USP18: variants seen among roughly 807,000 people sequenced by gnomAD.
USP18 encodes the protein ubiquitin specific peptidase 18.
USP18 carries 11 observed loss-of-function variants against 48.7 expected under a neutral mutation model. The ratio of observed to expected loss-of-function variants is 0.23; its 90% CI spans 0.14 to 0.37. The LOEUF is 0.37. Among genes scored for constraint, USP18 ranks in the 10% least tolerant of loss-of-function variants. USP18 has a pLI of 1.00. For synonymous variants in USP18, 114 were observed against 163.2 expected, an observed-to-expected ratio of 0.70 and a Z score of 2.30; for missense variants, 285 against 436.4, an observed-to-expected ratio of 0.65 and a Z score of 3.09.
chr22:18,172,902 T>C (rs1929672928), intron 8 of USP18, among the ~76,000 whole-genome samples: 1 of 146,498 alleles, frequency 6.8e-6, no homozygotes, highest in African/African-American at 2.5e-5. Flanking sequence ...TGCCTTGGCT[T>C]TGGGGGCCTC....
intron 3 of USP18, among the ~76,000 whole-genome samples, chr22:18,161,203 A>G (rs1416321454): frequency 2.7e-5 from 4 of 149,848 alleles, no homozygotes; most frequent in Admixed American, 2.7e-4. Flanking sequence ...TGGGGAGTAC[A>G]CACCCCTCCT....
At chr22:18,154,283 G>T (rs361814) in intron 1 of USP18, among the ~76,000 whole-genome samples, 38,391 of 151,752 alleles carry the variant, frequency 0.25, 6,088 homozygotes, top group East Asian at 0.67. Context: ...CAGTGGGAAA[G>T]GCACTTACTT....
intron 10 of USP18, among the ~76,000 whole-genome samples, chr22:18,174,487 C>T (rs893467734): frequency 2.0e-5 from 3 of 152,214 alleles, no homozygotes; most frequent in East Asian, 3.8e-4. Context: ...GCCTCAGCCT[C>T]CCAAAGTGCT....
intron 10 of USP18, among the ~76,000 whole-genome samples, chr22:18,175,875 A>G (rs143105845): frequency 0.034 from 5,098 of 149,330 alleles, 429 homozygotes; most frequent in African/African-American, 0.12. Flanking sequence ...GCTACTCAGG[A>G]AGCTAAAACT....
intron 4 of USP18, among the ~76,000 whole-genome samples, chr22:18,162,898 G>A (rs1929368043): frequency 1.3e-5 from 2 of 151,392 alleles, no homozygotes; most frequent in African/African-American, 4.8e-5. Context: ...CTCCTTCTGG[G>A]ACTCTGATAA....
At chr22:18,173,709 G>A (rs997322560) in intron 9 of USP18, 84 bp from the exon 10 acceptor site, 1 of 1,585,258 alleles carries the variant, frequency 6.3e-7, no homozygotes, top group East Asian at 2.3e-5. Flanking sequence ...TTGTCTGGAG[G>A]ATGAGGGGCA....
At position 18,158,056 on chromosome 22, in the gene USP18, G is replaced by T. The variant is rs12168538; in HGVS notation, c.157+236G>T. Among the ~76,000 whole-genome samples, 320 of 152,292 alleles carry T rather than the reference G, an allele frequency of 2.1e-3. 1 individual carries two copies. Among genetic ancestry groups the T allele is most frequent in the African/African-American group, 6.9e-3 (286 of 41,562 alleles). ...TGTAATCCCAGCAGTTTGGGAGGCC[G>T]TGGCAAGTGGATCATGAGGTCGGGA... On this transcript the variant is annotated intron_variant, in intron 2 of 10. Transcript: ENST00000215794.
Position 18,167,983 on chromosome 22 carries a change from C to T in USP18, c.574C>T (p.Leu192Phe), listed in dbSNP as rs776400513. The change falls in exon 6 of 11, where the codon CTC becomes TTC. Residue 192 changes from leucine (L) to phenylalanine (F), a missense_variant. Leu to Phe is a conservative substitution (Grantham distance 22). Coordinates refer to ENST00000215794, the MANE Select transcript of USP18 (RefSeq NM_017414.4). ...AMESSRNSSM[L>F]TLPLSLFDVD... ...GGAGAGTAGCAGAAACAGCAGCATG[C>T]TCACCCTCCCACTTTCTCTTTTTGA... The T allele has an allele frequency of 6.2e-7, 1 of 1,614,162 alleles. No homozygotes were observed. The highest frequency in any genetic ancestry group is 1.1e-5 in the South Asian group (1 of 91,084).
intron 9 of USP18, 32 bp from the exon 10 acceptor site, chr22:18,173,761 G>C (rs1301212927): frequency 6.2e-7 from 1 of 1,606,124 alleles, no homozygotes; most frequent in Non-Finnish European, 8.5e-7. Flanking sequence ...GTGTCAGCTG[G>C]CTGCTTGACC....
chr22:18,157,970 G>A, intron 2 of USP18, 150 bp downstream of exon 2: 1 of 1,188,114 alleles, frequency 8.4e-7, no homozygotes, highest in Non-Finnish European at 1.2e-6. Context: ...ATACAGCCTG[G>A]GCCATAGTGA....
At chr22:18,165,595 G>C (rs1417623961) in intron 4 of USP18, among the ~76,000 whole-genome samples, 16 of 150,452 alleles carry the variant, frequency 1.1e-4, no homozygotes, top group African/African-American at 3.4e-4. Flanking sequence ...TCCCTGCTGG[G>C]CAAAAGGAAG....
intron 1 of USP18, among the ~76,000 whole-genome samples, chr22:18,151,872 C>G: frequency 6.6e-6 from 1 of 152,022 alleles, no homozygotes; most frequent in East Asian, 1.9e-4. Flanking sequence ...CTAGCTAACA[C>G]GGTGCAAACC....
chr22:18,152,459 CAAAAA>C (rs34118953), intron 1 of USP18, among the ~76,000 whole-genome samples: 1 of 127,120 alleles, frequency 7.9e-6, no homozygotes, highest in Non-Finnish European at 1.7e-5. Flanking sequence ...GAACGTGAAC[CAAAAA>C]AAAAAAAAAA....
Position 18,175,115 on chromosome 22 carries a change from G to A in USP18, c.1073+1273G>A, listed in dbSNP as rs544926780. 1.3e-3 allele frequency among the ~76,000 whole-genome samples: 204 copies of A among 152,160 alleles called. 1 individual carries two copies. Among genetic ancestry groups the A allele is most frequent in the Admixed American group, 2.1e-3 (32 of 15,278 alleles). ...TTTTTAGTAGAGATGGGGTTTCACC[G>A]TGTTAGCCAGGATGGTCTCGATCTC... On this transcript the variant is annotated intron_variant, in intron 10 of 10. Transcript: ENST00000215794.
intron 10 of USP18, among the ~76,000 whole-genome samples, chr22:18,174,388 C>T: frequency 6.6e-6 from 1 of 151,614 alleles, no homozygotes; most frequent in Non-Finnish European, 1.5e-5. Flanking sequence ...CCACCACGCC[C>T]AGCTGATTGT....
intron 8 of USP18, 46 bp downstream of exon 8, chr22:18,170,966 C>T (rs573807146): frequency 3.5e-6 from 3 of 868,370 alleles, no homozygotes; most frequent in Non-Finnish European, 3.3e-6. Flanking sequence ...TCCCCAGATG[C>T]CATGTCCTTT....
chr22:18,154,419 G>A (rs113473956), intron 1 of USP18, among the ~76,000 whole-genome samples: 22 of 152,160 alleles, frequency 1.4e-4, no homozygotes, highest in African/African-American at 5.1e-4. Flanking sequence ...ATAGTGCTTC[G>A]ATGTTACCCA....
chr22:18,157,724 C>A lies in USP18; in HGVS notation c.61C>A (p.Gln21Lys), dbSNP rs945882248. ...ICQSILAESS[Q>K]SPADLEEKKE... is the part of the protein sequence containing the mutation. Reference sequence around the variant, plus strand: ...TCAGTCCATCCTGGCTGAGTCCTCGCAGTCCCCGGCAGATCTTGAAGAAAA... The same window carrying A: ...TCAGTCCATCCTGGCTGAGTCCTCGAAGTCCCCGGCAGATCTTGAAGAAAA... The change falls in exon 2 of 11, where the codon CAG becomes AAG. Residue 21 changes from glutamine to lysine, a missense_variant. Around this residue, in one of 5 missense-constraint regions of USP18, gnomAD observed 199 missense variants for 239.6 expected, o/e 0.83. Coordinates refer to ENST00000215794, the MANE Select transcript of USP18 (RefSeq NM_017414.4). The A allele has an allele frequency of 6.2e-7, 1 of 1,613,968 alleles. No homozygotes were observed. Among genetic ancestry groups the A allele is most frequent in the Non-Finnish European group, 8.5e-7 (1 of 1,180,034 alleles).
chr22:18,174,970 G>T (rs1265153620), intron 10 of USP18, among the ~76,000 whole-genome samples: 1 of 152,140 alleles, frequency 6.6e-6, no homozygotes, highest in African/African-American at 2.4e-5. Flanking sequence ...CTGGAGTGCA[G>T]TAGCAGGATC....
Sources: allele counts gnomAD v4.1 joint callset (sites outside exome capture counted in the v4.1 genomes callset), GRCh38; gene constraint gnomAD v4.1.1; regional missense constraint gnomAD v4.1.1; transcripts MANE v1.5; gene names NCBI Gene and HGNC (gene_info 2026-07-23, HGNC 2026-07-21).